The following CEP57L1 variants were observed in gnomAD, a reference collection of about 807,000 sequenced individuals.
The protein encoded by CEP57L1 is centrosomal protein 57 like 1, also known as centrosomal protein CEP57L1.
A neutral mutation model predicts 61.0 loss-of-function variants in CEP57L1; 37 were observed. That is an observed-to-expected ratio of 0.61 (90% CI 0.47 to 0.80). CEP57L1 has a LOEUF of 0.80. Ranked by LOEUF, CEP57L1 falls within the 30% of genes least tolerant of loss-of-function variation. The pLI is 0.00. For missense variants in CEP57L1, 422 were observed against 524.7 expected (o/e 0.80, Z 1.91); for synonymous variants, 137 against 162.3 (o/e 0.84, Z 1.19).
chr6:109,110,919 G>T (rs1254694909), intron 1 of CEP57L1, among the ~76,000 whole-genome samples: 3 of 152,108 alleles, frequency 2.0e-5, no homozygotes, highest in Admixed American at 6.6e-5. Context: ...TGCTGTTTTT[G>T]TTACTGTAGC....
At chr6:109,136,697 GTATTTTTATTTTATTTTATTTTATTT>G (rs1208912070) in intron 1 of CEP57L1, among the ~76,000 whole-genome samples, 1,489 of 135,208 alleles carry the variant, frequency 0.011, 31 homozygotes, top group African/African-American at 0.043. Flanking sequence ...TCTGAAACTT[GTATTTTTATTTTATTTTATTTTATTT>G]TATTTTATTT....
chr6:109,154,803 CT>C (rs1251148984), intron 5 of CEP57L1, among the ~76,000 whole-genome samples: 3 of 151,994 alleles, frequency 2.0e-5, no homozygotes, highest in Non-Finnish European at 2.9e-5. Context: ...TCTATTATGT[CT>C]TTTCACTCTT....
chr6:109,139,532 A>G (rs1239080935), intron 1 of CEP57L1, among the ~76,000 whole-genome samples: 1 of 149,824 alleles, frequency 6.7e-6, no homozygotes, highest in Non-Finnish European at 1.5e-5. Context: ...GCTGGAGTGC[A>G]GTGACATGAT....
Position 109,168,694 on chromosome 6 carries a change from C to T in CEP57L1, c.*5724C>T, listed in dbSNP as rs1037249167. 6.7e-6 allele frequency among the ~76,000 whole-genome samples: 1 copy of T among 148,674 alleles called. No individual in the cohort carries two copies. Among genetic ancestry groups the T allele is most frequent in the African/African-American group, 2.5e-5 (1 of 40,264 alleles). On this transcript the variant is annotated 3_prime_UTR_variant, in exon 11 of 11. Coordinates refer to ENST00000517392, the MANE Select transcript of CEP57L1 (RefSeq NM_001271852.3). ...CACTGCAACCTCCACCTCCCAGGTT[C>T]AAGCAATTCTCCTGCCTCAGCCTCC...
At chr6:109,098,603 T>C (rs1781999723) in intron 1 of CEP57L1, among the ~76,000 whole-genome samples, 1 of 151,920 alleles carries the variant, frequency 6.6e-6, no homozygotes, top group Admixed American at 6.6e-5. Context: ...CCCAGCTAAT[T>C]TTGTATTTTT....
rs1194518521 is a variant in CEP57L1 at position 109,116,122 on chromosome 6, GTGTTGTGTTATGTTA to G, written c.-4+20552_-4+20566del. 3.0e-3 allele frequency among the ~76,000 whole-genome samples: 373 copies of G among 123,228 alleles called. 2 individuals carry two copies. The highest frequency in any genetic ancestry group is 0.012 in the African/African-American group (358 of 28,790). 80.8% of individuals were successfully genotyped at this position (123,228 alleles called of 152,430 possible). A position where few individuals can be genotyped will look rare whatever the true frequency, so the allele number is the denominator to read the frequency against. ...TTTATTTTATTTTATTTTATGTTAT[GTGTTGTGTTATGTTA>G]TGTTATGTTATGTTATGTTATGTTA... On this transcript the variant is annotated intron_variant, in intron 1 of 10. Transcript: ENST00000517392.
chr6:109,141,141 A>G (rs1771329742), intron 1 of CEP57L1, among the ~76,000 whole-genome samples: 1 of 151,762 alleles, frequency 6.6e-6, no homozygotes, highest in Non-Finnish European at 1.5e-5. Context: ...CGTTTTCTTT[A>G]TTTGACTCTG....
chr6:109,168,657 A>T lies in CEP57L1; in HGVS notation c.*5687A>T, dbSNP rs2114989414. Among the ~76,000 whole-genome samples, 1 of 140,298 alleles carries T rather than the reference A, an allele frequency of 7.1e-6. No homozygotes were observed. Among genetic ancestry groups the T allele is most frequent in the East Asian group, 2.1e-4 (1 of 4,790 alleles). 92.0% of individuals were successfully genotyped at this position (140,298 alleles called of 152,430 possible). On this transcript the variant is annotated 3_prime_UTR_variant, in exon 11 of 11. Coordinates refer to ENST00000517392, the MANE Select transcript of CEP57L1 (RefSeq NM_001271852.3). ...TTCACCCAGGCTGGAGTGCAATGGT[A>T]CAATCTCGTCTCACTGCAACCTCCA...
intron 10 of CEP57L1, among the ~76,000 whole-genome samples, chr6:109,162,322 A>T (rs1434295177): frequency 4.6e-5 from 7 of 152,090 alleles, no homozygotes; most frequent in Non-Finnish European, 7.4e-5. Flanking sequence ...GTTACCTGAA[A>T]GGTTCTTCTC....
chr6:109,142,082 T>C (rs1300523694), intron 1 of CEP57L1, among the ~76,000 whole-genome samples: 1 of 152,194 alleles, frequency 6.6e-6, no homozygotes, highest in Non-Finnish European at 1.5e-5. Flanking sequence ...TTTAGGGGGA[T>C]AGTTTTTTTA....
upstream of CEP57L1, chr6:109,095,231 C>T: frequency 2.0e-6 from 2 of 985,516 alleles, no homozygotes; most frequent in Non-Finnish European, 2.4e-6. Context: ...GGACTCTGTC[C>T]TGGAGAAGGG....
chr6:109,147,285 G>C (rs1772072378), intron 3 of CEP57L1, among the ~76,000 whole-genome samples: 1 of 151,874 alleles, frequency 6.6e-6, no homozygotes, highest in Non-Finnish European at 1.5e-5. Context: ...TGTATTTGCA[G>C]TTAACACTAA....
intron 1 of CEP57L1, among the ~76,000 whole-genome samples, chr6:109,105,542 C>T (rs996402372): frequency 6.6e-6 from 1 of 152,084 alleles, no homozygotes; most frequent in Non-Finnish European, 1.5e-5. Context: ...TTTTGTCTCA[C>T]CTCAGGCCTA....
chr6:109,144,665 T>C (rs566695132), intron 1 of CEP57L1, among the ~76,000 whole-genome samples: 82 of 152,224 alleles, frequency 5.4e-4, no homozygotes, highest in African/African-American at 1.9e-3. Context: ...CTTTCTAATC[T>C]AGATGATTAA....
intron 1 of CEP57L1, among the ~76,000 whole-genome samples, chr6:109,142,946 G>GCTCTCTCTCTCTCT (rs35714375): frequency 3.6e-5 from 2 of 55,526 alleles, no homozygotes; most frequent in African/African-American, 6.2e-5. Context: ...TGTCTCTCTT[G>GCTCTCTCTCTCTCT]CTCTCTCTCT....
intron 3 of CEP57L1, 64 bp downstream of exon 3, chr6:109,147,001 AC>A: frequency 7.4e-7 from 1 of 1,342,640 alleles, no homozygotes; most frequent in South Asian, 1.4e-5. Flanking sequence ...AAAATAATAA[AC>A]CTAGTCTAAG....
intron 9 of CEP57L1, among the ~76,000 whole-genome samples, chr6:109,159,855 A>G (rs1388611364): frequency 2.6e-5 from 4 of 152,164 alleles, no homozygotes; most frequent in Non-Finnish European, 5.9e-5. Flanking sequence ...AACATACAGG[A>G]TCTGATGACC....
At chr6:109,154,658 G>C (rs1773030239) in intron 5 of CEP57L1, among the ~76,000 whole-genome samples, 1 of 151,966 alleles carries the variant, frequency 6.6e-6, no homozygotes, top group South Asian at 2.1e-4. Flanking sequence ...ATAGGATTTT[G>C]AATTTTTGGA....
chr6:109,100,265 T>C (rs981375196), intron 1 of CEP57L1: 1 of 152,198 alleles, frequency 6.6e-6, no homozygotes, highest in African/African-American at 2.4e-5. Context: ...AAGAATGATA[T>C]AATGCCACAG....
Sources: gnomAD v4.1 joint callset for allele counts (sites outside exome capture counted in the v4.1 genomes callset) on GRCh38, gnomAD v4.1.1 for gene constraint, MANE v1.5 for transcripts, NCBI Gene and HGNC (gene_info 2026-07-23, HGNC 2026-07-21) for gene names.